MRPS28: variants seen among roughly 807,000 people sequenced by gnomAD.
MRPS28 encodes the protein mitochondrial ribosomal protein S28.
A neutral mutation model predicts 10.8 loss-of-function variants in MRPS28; 7 were observed. The observed-to-expected ratio is 0.65, with a 90% CI of 0.37 to 1.22. The LOEUF is 1.22. Ranked by LOEUF, MRPS28 falls within the 50% of genes most tolerant of loss-of-function variation. The probability of loss-of-function intolerance (pLI) is 0.02; values close to 1 mark genes in which losing one functional copy is unlikely to be tolerated. For missense variants in MRPS28, 265 were observed against 232.9 expected (o/e 1.14, Z -0.90); for synonymous variants, 121 against 93.3 (o/e 1.30, Z -1.71).
intron 1 of MRPS28, among the ~76,000 whole-genome samples, chr8:80,027,839 C>T (rs1165590526): frequency 1.3e-5 from 2 of 152,212 alleles, no homozygotes; most frequent in Admixed American, 1.3e-4. Context: ...CAACCAAACA[C>T]ATTTACCCAT....
intron 2 of MRPS28, among the ~76,000 whole-genome samples, chr8:79,928,165 T>TA (rs1024422026): frequency 3.0e-4 from 45 of 150,506 alleles, no homozygotes; most frequent in Non-Finnish European, 5.5e-4. Flanking sequence ...CTCTACAAAA[T>TA]AAAAAAAAAT....
At chr8:80,004,181 C>A (rs1456112528) in intron 1 of MRPS28, among the ~76,000 whole-genome samples, 1 of 152,226 alleles carries the variant, frequency 6.6e-6, no homozygotes, top group African/African-American at 2.4e-5. Context: ...AACAGACAGA[C>A]TGCCTCCTCA....
At chr8:79,989,835 C>G (rs1357465519) in intron 2 of MRPS28, among the ~76,000 whole-genome samples, 14 of 152,154 alleles carry the variant, frequency 9.2e-5, no homozygotes, top group Admixed American at 9.2e-4. Context: ...TATTTCCAAT[C>G]CCATGTCACC....
chr8:79,976,027 G>T (rs1807787075), intron 2 of MRPS28, among the ~76,000 whole-genome samples: 1 of 151,992 alleles, frequency 6.6e-6, no homozygotes, highest in South Asian at 2.1e-4. Context: ...GGCGGGGGAA[G>T]ACCTACTTAT....
intron 2 of MRPS28, among the ~76,000 whole-genome samples, chr8:79,987,696 TCAGA>T (rs1808230479): frequency 6.6e-6 from 1 of 152,190 alleles, no homozygotes; most frequent in African/African-American, 2.4e-5. Flanking sequence ...TCACTGGCCA[TCAGA>T]GAAATGCTAA....
At chr8:79,934,696 AT>A in intron 2 of MRPS28, among the ~76,000 whole-genome samples, 1 of 152,364 alleles carries the variant, frequency 6.6e-6, no homozygotes, top group East Asian at 1.9e-4. Flanking sequence ...TAGTATTTAT[AT>A]TTAAACAAAA....
intron 2 of MRPS28, among the ~76,000 whole-genome samples, chr8:79,994,551 A>G (rs1052678508): frequency 6.6e-6 from 1 of 151,818 alleles, no homozygotes; most frequent in Non-Finnish European, 1.5e-5. Context: ...TGTCTCTTCC[A>G]CCTCCTAAAC....
intron 2 of MRPS28, among the ~76,000 whole-genome samples, chr8:79,963,389 C>T (rs986894876): frequency 3.3e-5 from 5 of 151,958 alleles, no homozygotes; most frequent in Admixed American, 6.6e-5. Flanking sequence ...GTATTTTTTT[C>T]CATGGGGGCG....
In MRPS28 at chr8:79,918,777, C is replaced by T. The variant is rs945378033; in HGVS notation, c.*203G>A. 7.4e-6 allele frequency: 2 copies of T among 269,560 alleles called. No individual in the cohort carries two copies. Among genetic ancestry groups the T allele is most frequent in the Admixed American group, 6.1e-5 (1 of 16,436 alleles). The allele number at this position is 269,560 out of a possible 1,614,324, so 16.7% of individuals were successfully genotyped here. On this transcript the variant is annotated 3_prime_UTR_variant, in exon 3 of 3. Transcript: ENST00000276585. ...TTTCTTAGTACAGTGTATACTATCC[C>T]CACCAAAGGAAAAAAACATTAAGAG...
At chr8:80,014,250 G>A (rs565563169) in intron 1 of MRPS28, among the ~76,000 whole-genome samples, 16 of 152,206 alleles carry the variant, frequency 1.1e-4, no homozygotes, top group Admixed American at 5.9e-4. Context: ...AATTCCTCAA[G>A]TGCATAATAT....
chr8:79,986,863 T>C (rs1248403323), intron 2 of MRPS28, among the ~76,000 whole-genome samples: 1 of 151,928 alleles, frequency 6.6e-6, no homozygotes, highest in African/African-American at 2.4e-5. Flanking sequence ...AGGTAATTTA[T>C]AGATTCAATG....
chr8:79,953,880 A>G (rs1807139669), intron 2 of MRPS28, among the ~76,000 whole-genome samples: 1 of 152,214 alleles, frequency 6.6e-6, no homozygotes, highest in Non-Finnish European at 1.5e-5. Context: ...GGGCAATTAA[A>G]TTTTTCTGTG....
intron 2 of MRPS28, among the ~76,000 whole-genome samples, chr8:79,996,849 T>C (rs1808513444): frequency 6.6e-6 from 1 of 152,232 alleles, no homozygotes; most frequent in South Asian, 2.1e-4. Context: ...ATATATTGTA[T>C]GATTTAGAGT....
intron 1 of MRPS28, among the ~76,000 whole-genome samples, chr8:80,020,733 G>T (rs779761961): frequency 6.6e-6 from 1 of 152,140 alleles, no homozygotes; most frequent in Non-Finnish European, 1.5e-5. Flanking sequence ...AGAAATACTT[G>T]TAGAGAAGGT....
Position 79,997,268 on chromosome 8 carries a change from T to C in MRPS28, c.395+5731A>G, listed in dbSNP as rs77491184. Among the ~76,000 whole-genome samples the C allele has an allele frequency of 6.7e-3, 1,018 of 152,262 alleles. 7 individuals carry two copies. The highest frequency in any genetic ancestry group is 0.014 in the Middle Eastern group (4 of 294). ...CAGAAAGGTTCATGGTAAATTAGGT[T>C]AAAGACTCATAAAAAAAGTATACAT... On this transcript the variant is annotated intron_variant, in intron 2 of 2. Coordinates refer to ENST00000276585, the MANE Select transcript of MRPS28 (RefSeq NM_014018.3).
intron 2 of MRPS28, chr8:79,958,416 C>A: frequency 1.4e-6 from 1 of 692,000 alleles, no homozygotes; most frequent in Non-Finnish European, 2.6e-6. Flanking sequence ...CTCCAAACAG[C>A]ATACCACGAA....
chr8:79,919,325 C>G (rs549935894), intron 2 of MRPS28, among the ~76,000 whole-genome samples, 177 bp from the exon 3 acceptor site: 3 of 146,780 alleles, frequency 2.0e-5, no homozygotes, highest in East Asian at 2.0e-4. Context: ...ATCAGAAAAG[C>G]CCCCATCACC....
chr8:80,005,586 A>G (rs894286501), intron 1 of MRPS28, among the ~76,000 whole-genome samples: 3 of 152,232 alleles, frequency 2.0e-5, no homozygotes, highest in Non-Finnish European at 1.5e-5. Flanking sequence ...CTAATGAGCA[A>G]AACAACCAGC....
rs545267195 is a variant in MRPS28, at chr8:79,987,367, A to C, written c.395+15632T>G. Among the ~76,000 whole-genome samples, 32 of 152,306 alleles carry C rather than the reference A, an allele frequency of 2.1e-4. No homozygotes were observed. In the South Asian group the frequency reaches 3.5e-3, roughly 17 times the overall value. ...TTACCATTCAGGACATAGGCATGGA[A>C]AAGGACTTCATGTCTAAAACACCAA... On this transcript the variant is annotated intron_variant, in intron 2 of 2. Transcript: ENST00000276585.
Sources: gnomAD v4.1 joint callset for allele counts (sites outside exome capture counted in the v4.1 genomes callset) on GRCh38, gnomAD v4.1.1 for gene constraint, MANE v1.5 for transcripts, NCBI Gene and HGNC (gene_info 2026-07-23, HGNC 2026-07-21) for gene names.